The following USP34 variants were observed in gnomAD, a reference collection of about 807,000 sequenced individuals.
The protein encoded by USP34 is ubiquitin specific peptidase 34.
A neutral mutation model predicts 460.3 loss-of-function variants in USP34; 70 were observed. The observed-to-expected ratio is 0.15, with a 90% CI of 0.13 to 0.19. The LOEUF (loss-of-function observed/expected upper bound fraction) is 0.19, where lower values mean the gene tolerates loss of function less well. Among genes scored for constraint, USP34 ranks in the 10% least tolerant of loss-of-function variants. The probability of loss-of-function intolerance (pLI) is 1.00; values close to 1 mark genes in which losing one functional copy is unlikely to be tolerated. For missense variants in USP34, 3,985 were observed against 4,236.2 expected, an observed-to-expected ratio of 0.94 and a Z score of 1.65; for synonymous variants, 1,647 against 1,405.3, an observed-to-expected ratio of 1.17 and a Z score of -3.85.
intron 3 of USP34, among the ~76,000 whole-genome samples, 159 bp from the exon 4 acceptor site, chr2:61,395,392 T>G (rs1402900274): frequency 5.9e-5 from 9 of 152,226 alleles, no homozygotes; most frequent in Non-Finnish European, 1.3e-4. Context: ...CTAATAGGAT[T>G]CAGCTCTAAG....
intron 30 of USP34, among the ~76,000 whole-genome samples, chr2:61,295,738 C>A (rs951189359): frequency 1.3e-5 from 2 of 152,164 alleles, no homozygotes; most frequent in Non-Finnish European, 2.9e-5. Context: ...ACTTAATGTG[C>A]ATCTTTGAAA....
intron 1 of USP34, among the ~76,000 whole-genome samples, chr2:61,455,293 C>T (rs1695405012): frequency 6.6e-6 from 1 of 152,074 alleles, no homozygotes; most frequent in African/African-American, 2.4e-5. Context: ...ATTCTCATGC[C>T]TCAGCCTCCT....
chr2:61,218,667 T>C (rs149029941), intron 67 of USP34, among the ~76,000 whole-genome samples: 2 of 152,162 alleles, frequency 1.3e-5, no homozygotes, highest in African/African-American at 2.4e-5. Flanking sequence ...TTTCTTAGAT[T>C]TTCCTTGTTT....
chr2:61,248,690 G>C lies in USP34; in HGVS notation c.6222-7C>G, dbSNP rs1413309439. On this transcript the variant is annotated splice_region_variant and splice_polypyrimidine_tract_variant and intron_variant, in intron 48 of 79. Transcript: ENST00000398571. ...CAATTTCTTAAAACATGCCCTGAGA[G>C]ACAAGAAAAAAATTAATAAAGATTA... The C allele has an allele frequency of 1.3e-6, 2 of 1,539,014 alleles. No individual in the cohort carries two copies. The highest frequency in any genetic ancestry group is 1.8e-6 in the Non-Finnish European group (2 of 1,139,332).
chr2:61,242,182 A>G (rs1258870795), intron 51 of USP34, among the ~76,000 whole-genome samples: 1 of 152,196 alleles, frequency 6.6e-6, no homozygotes, highest in Non-Finnish European at 1.5e-5. Context: ...CTGAATTTAA[A>G]TAGTTCTTTC....
intron 75 of USP34, among the ~76,000 whole-genome samples, chr2:61,193,778 G>C (rs1251418990): frequency 6.6e-6 from 1 of 152,188 alleles, no homozygotes; most frequent in Non-Finnish European, 1.5e-5. Context: ...TTCCAGTTAA[G>C]AAAAGACTGA....
intron 41 of USP34, among the ~76,000 whole-genome samples, chr2:61,275,705 T>G (rs1689353768): frequency 6.6e-6 from 1 of 152,148 alleles, no homozygotes. Context: ...ACACTGTGTT[T>G]AATGTGTTAT....
chr2:61,217,409 T>C (rs1370374375), intron 67 of USP34, among the ~76,000 whole-genome samples: 1 of 152,224 alleles, frequency 6.6e-6, no homozygotes, highest in Admixed American at 6.5e-5. Context: ...CTATGAAGCT[T>C]TTCTTTTATA....
intron 72 of USP34, 33 bp downstream of exon 72, chr2:61,205,984 T>G (rs1363601932): frequency 6.6e-7 from 1 of 1,522,636 alleles, no homozygotes. Context: ...TTCCACTAGG[T>G]TTTTACACGG....
At chr2:61,426,103 T>C (rs1317103537) in intron 1 of USP34, among the ~76,000 whole-genome samples, 5 of 152,064 alleles carry the variant, frequency 3.3e-5, no homozygotes, top group Non-Finnish European at 5.9e-5. Flanking sequence ...GATATCCAAG[T>C]ACTACATTGA....
chr2:61,315,859 A>G (rs528078738), intron 23 of USP34, among the ~76,000 whole-genome samples: 1 of 152,208 alleles, frequency 6.6e-6, no homozygotes, highest in East Asian at 1.9e-4. Flanking sequence ...AACTTATTTC[A>G]TAACAGAGCA....
chr2:61,442,978 T>A (rs928163953), intron 1 of USP34, among the ~76,000 whole-genome samples: 2 of 151,660 alleles, frequency 1.3e-5, no homozygotes, highest in African/African-American at 4.8e-5. Context: ...AATCCTGTCA[T>A]TTGCAGCAAC....
intron 51 of USP34, among the ~76,000 whole-genome samples, chr2:61,243,665 G>A (rs1226919426): frequency 6.6e-6 from 1 of 150,948 alleles, no homozygotes; most frequent in Non-Finnish European, 1.5e-5. Flanking sequence ...AAGGTCAGGA[G>A]ATCAAGACCA....
intron 33 of USP34, among the ~76,000 whole-genome samples, chr2:61,290,956 C>T (rs144860896): frequency 6.6e-6 from 1 of 152,184 alleles, no homozygotes; most frequent in East Asian, 1.9e-4. Flanking sequence ...AAAACAGAGA[C>T]ACTAGACTTC....
At chr2:61,349,394 A>AGT in intron 12 of USP34, 109 bp from the exon 13 acceptor site, 1 of 1,135,652 alleles carries the variant, frequency 8.8e-7, no homozygotes, top group South Asian at 1.5e-5. Flanking sequence ...AAGTGGAGAA[A>AGT]CCTGCAATAA....
Position 61,188,102 on chromosome 2 carries a change from T to A in USP34, c.10641A>T (p.Ter3547CysextTer2), listed in dbSNP as rs1276767777. Residue 3547 changes from the stop codon to cysteine (C), a stop_lost, in exon 80 of 80, where the codon TGA becomes TGT. Coordinates refer to ENST00000398571, the MANE Select transcript of USP34 (RefSeq NM_014709.4). Reference sequence around the variant, plus strand: ...AAAAGTAGACATGCTACACCTAATGTCAAGAAGCAGCTTGGTTTCCTTTGC... The same window carrying A: ...AAAAGTAGACATGCTACACCTAATGACAAGAAGCAGCTTGGTTTCCTTTGC... ...ISGKGNQAAS[*>C] 2 of 1,611,110 alleles carry A rather than the reference T, an allele frequency of 1.2e-6. No individual in the cohort carries two copies. Among genetic ancestry groups the A allele is most frequent in the Non-Finnish European group, 1.7e-6 (2 of 1,178,264 alleles).
intron 34 of USP34, 48 bp downstream of exon 34, chr2:61,288,629 A>G (rs1179787991): frequency 6.3e-7 from 1 of 1,578,700 alleles, no homozygotes; most frequent in Admixed American, 1.7e-5. Context: ...TCTTCAGTTT[A>G]TAAAAATAAA....
At chr2:61,364,206 C>G (rs954394580) in intron 10 of USP34, among the ~76,000 whole-genome samples, 9 of 152,104 alleles carry the variant, frequency 5.9e-5, no homozygotes, top group African/African-American at 2.2e-4. Context: ...GACACCATCT[C>G]TACAAAAAAT....
At chr2:61,229,878 G>A (rs1687840567) in intron 58 of USP34, among the ~76,000 whole-genome samples, 1 of 152,010 alleles carries the variant, frequency 6.6e-6, no homozygotes, top group Non-Finnish European at 1.5e-5. Context: ...TAATACAGAT[G>A]ATCAAAAACA....
Sources: gnomAD v4.1 joint callset for allele counts (sites outside exome capture counted in the v4.1 genomes callset) on GRCh38, gnomAD v4.1.1 for gene constraint, MANE v1.5 for transcripts, NCBI Gene and HGNC (gene_info 2026-07-23, HGNC 2026-07-21) for gene names.